SUCLG2: variants seen among roughly 807,000 people sequenced by gnomAD.
The protein encoded by SUCLG2 is succinate-CoA ligase GDP-forming subunit beta.
SUCLG2 carries 42 observed loss-of-function variants against 47.9 expected under a neutral mutation model. The ratio of observed to expected loss-of-function variants is 0.88; its 90% CI spans 0.69 to 1.14. SUCLG2 has a LOEUF of 1.14. Among genes scored for constraint, SUCLG2 ranks in the 50% most tolerant of loss-of-function variants. SUCLG2 has a pLI of 0.00. For missense variants in SUCLG2, 571 were observed against 525.9 expected, an observed-to-expected ratio of 1.09 and a Z score of -0.84; for synonymous variants, 195 against 197.3, an observed-to-expected ratio of 0.99 and a Z score of 0.10.
chr3:67,454,195 T>C (rs1244165945), intron 9 of SUCLG2, among the ~76,000 whole-genome samples: 1 of 152,204 alleles, frequency 6.6e-6, no homozygotes, highest in African/African-American at 2.4e-5. Flanking sequence ...TCATGAGCTC[T>C]TTAAGTACAG....
chr3:67,479,290 TA>T (rs199827903), intron 9 of SUCLG2, among the ~76,000 whole-genome samples: 3,312 of 141,824 alleles, frequency 0.023, 62 homozygotes, highest in African/African-American at 0.056. Flanking sequence ...GCCATCAAAG[TA>T]AAAAAAAAAA....
At position 67,508,825 on chromosome 3, in the gene SUCLG2, C is replaced by G; in HGVS notation, c.739G>C (p.Glu247Gln). Reference sequence around the variant, plus strand: ...TTTTTACCTTGTCCTTCTGGAGTTTCACCAAAGGGATTCACTTCCACCTGA... The same window carrying G: ...TTTTTACCTTGTCCTTCTGGAGTTTGACCAAAGGGATTCACTTCCACCTGA... The part of the protein sequence containing the change: ...ATQVEVNPFG[E>Q]TPEGQVVCFD... Residue 247 changes from glutamate (E) to glutamine (Q), a missense_variant, in exon 7 of 11, where the codon GAA (glutamate) becomes CAA (glutamine). Glu to Gln is a conservative substitution (Grantham distance 29, BLOSUM62 2). Coordinates refer to ENST00000307227, the MANE Select transcript of SUCLG2 (RefSeq NM_003848.4). 1 of 1,603,134 alleles carries G rather than the reference C, an allele frequency of 6.2e-7. No homozygotes were observed.
At chr3:67,475,245 T>C (rs1488715865) in intron 9 of SUCLG2, among the ~76,000 whole-genome samples, 1 of 152,158 alleles carries the variant, frequency 6.6e-6, no homozygotes, top group Non-Finnish European at 1.5e-5. Context: ...GAAAACGATA[T>C]TAAACCCTAC....
chr3:67,431,733 T>C (rs921327878), intron 9 of SUCLG2, among the ~76,000 whole-genome samples: 3 of 120,926 alleles, frequency 2.5e-5, no homozygotes, highest in Non-Finnish European at 5.1e-5. Context: ...CACCGGGGCA[T>C]GTCGTGGGGT....
At chr3:67,508,772 A>C in intron 7 of SUCLG2, 35 bp downstream of exon 7, 3 of 1,464,144 alleles carry the variant, frequency 2.0e-6, no homozygotes, top group Non-Finnish European at 2.8e-6. Context: ...ATTATAATAC[A>C]TTCATTTGTT....
intron 2 of SUCLG2, among the ~76,000 whole-genome samples, chr3:67,543,803 A>C (rs1706785336): frequency 6.7e-6 from 1 of 150,210 alleles, no homozygotes; most frequent in South Asian, 2.1e-4. Context: ...TCAGAAAAAT[A>C]AAAAGAGTTT....
intron 9 of SUCLG2, among the ~76,000 whole-genome samples, chr3:67,432,562 T>C (rs1703514040): frequency 6.6e-6 from 1 of 152,228 alleles, no homozygotes; most frequent in Non-Finnish European, 1.5e-5. Context: ...TAGAGCTTCC[T>C]TTTTCTTTAC....
chr3:67,515,180 C>A (rs937662310), intron 6 of SUCLG2, among the ~76,000 whole-genome samples: 2 of 152,090 alleles, frequency 1.3e-5, no homozygotes, highest in Admixed American at 1.3e-4. Context: ...TGCTATTGTT[C>A]TATTTCATAC....
chr3:67,579,999 GA>G (rs959661772), intron 2 of SUCLG2, among the ~76,000 whole-genome samples: 1 of 151,462 alleles, frequency 6.6e-6, no homozygotes, highest in Non-Finnish European at 1.5e-5. Flanking sequence ...TCAACAAAAA[GA>G]AAAAAATAAA....
Position 67,512,269 on chromosome 3 carries a change from T to C in SUCLG2, c.661-3366A>G, listed in dbSNP as rs80286624. Among the ~76,000 whole-genome samples the C allele has an allele frequency of 4.9e-4, 74 of 151,460 alleles. 1 individual carries two copies. The East Asian group carries it at 0.014, about 29-fold the overall frequency. On this transcript the variant is annotated intron_variant, in intron 6 of 10. Coordinates refer to ENST00000307227, the MANE Select transcript of SUCLG2 (RefSeq NM_003848.4). ...TTAAAAATTCTCCCATTATTTTTTC[T>C]AGTATTCTTTATAATTTCTTCCATT... is the stretch of plus-strand genomic sequence containing the variant.
At chr3:67,487,385 T>C (rs141255694) in intron 9 of SUCLG2, among the ~76,000 whole-genome samples, 2 of 152,150 alleles carry the variant, frequency 1.3e-5, no homozygotes, top group East Asian at 1.9e-4. Context: ...TACTTTATTA[T>C]AGTGAGACAT....
intron 9 of SUCLG2, among the ~76,000 whole-genome samples, chr3:67,451,636 A>T (rs2106937384): frequency 6.6e-6 from 1 of 152,174 alleles, no homozygotes; most frequent in East Asian, 1.9e-4. Context: ...CATAGATACA[A>T]ATTTTCATCC....
chr3:67,532,812 T>A (rs1262220133), intron 2 of SUCLG2, among the ~76,000 whole-genome samples: 2 of 152,192 alleles, frequency 1.3e-5, no homozygotes, highest in East Asian at 3.9e-4. Context: ...GGTCTTTTTT[T>A]AGTCTATCAG....
chr3:67,653,668 A>G (rs959670085), intron 1 of SUCLG2, among the ~76,000 whole-genome samples: 12 of 152,314 alleles, frequency 7.9e-5, no homozygotes, highest in African/African-American at 2.9e-4. Context: ...TTTAAAAGGG[A>G]AGAGAGATAG....
intron 9 of SUCLG2, among the ~76,000 whole-genome samples, chr3:67,466,654 G>A (rs1352516987): frequency 6.6e-6 from 1 of 152,190 alleles, no homozygotes; most frequent in African/African-American, 2.4e-5. Flanking sequence ...TGTCGCTATC[G>A]ATTTTTATAT....
At chr3:67,491,123 A>T (rs1208471479) in intron 9 of SUCLG2, among the ~76,000 whole-genome samples, 1 of 151,798 alleles carries the variant, frequency 6.6e-6, no homozygotes, top group Non-Finnish European at 1.5e-5. Context: ...GGAGTTTGAG[A>T]CCAGCCTGCG....
At chr3:67,437,495 G>GGTAATA (rs1393712445) in intron 9 of SUCLG2, among the ~76,000 whole-genome samples, 5 of 151,962 alleles carry the variant, frequency 3.3e-5, no homozygotes, top group African/African-American at 9.7e-5. Flanking sequence ...CATCCCACTT[G>GGTAATA]GTAATACGGC....
At chr3:67,602,834 T>C (rs975712963) in intron 2 of SUCLG2, among the ~76,000 whole-genome samples, 2 of 152,166 alleles carry the variant, frequency 1.3e-5, no homozygotes, top group Non-Finnish European at 2.9e-5. Context: ...ACCAGGTTCT[T>C]AGCAGCAAGC....
intron 9 of SUCLG2, among the ~76,000 whole-genome samples, chr3:67,407,678 C>CA (rs1351763343): frequency 6.6e-6 from 1 of 152,126 alleles, no homozygotes; most frequent in East Asian, 1.9e-4. Context: ...GTGCCTATTC[C>CA]AATCACGAAT....
Sources: allele counts gnomAD v4.1 joint callset (sites outside exome capture counted in the v4.1 genomes callset), GRCh38; gene constraint gnomAD v4.1.1; transcripts MANE v1.5; gene names NCBI Gene and HGNC (gene_info 2026-07-23, HGNC 2026-07-21).